The following LINGO2 variants were observed in gnomAD, a reference collection of about 807,000 sequenced individuals.
LINGO2 encodes the protein leucine rich repeat and Ig domain containing 2, also known as leucine-rich repeat and immunoglobulin-like domain-containing nogo receptor-interacting protein 2.
Under a neutral mutation model 30.6 loss-of-function variants are expected in LINGO2, and 14 were observed. The ratio of observed to expected loss-of-function variants is 0.46; its 90% CI spans 0.30 to 0.72. LINGO2 has a LOEUF of 0.72. Ranked by LOEUF, LINGO2 falls within the 30% of genes least tolerant of loss-of-function variation. LINGO2 has a pLI of 0.07. For synonymous variants in LINGO2, 317 were observed against 288.5 expected (o/e 1.10, Z -1.00); for missense variants, 729 against 751.7 (o/e 0.97, Z 0.35).
the LINGO2 span, among the ~76,000 whole-genome samples, chr9:28,717,130 C>T: frequency 5.9e-5 from 9 of 151,782 alleles, no homozygotes; most frequent in South Asian, 1.9e-3. Flanking sequence ...ACAGAGGTAT[C>T]CAAGAAATTA....
rs181195130 is a variant in LINGO2, at chr9:28,376,115, C to G, written c.-278-3247G>C. On this transcript the variant is annotated intron_variant, in intron 2 of 5. Transcript: ENST00000379992. The stretch of plus-strand genomic sequence containing the variant: ...TTTTTTTTTTTTTGTAATAAACGGA[C>G]AAGTGCAGCAGCCTAAAAATAAAAT... Among the ~76,000 whole-genome samples the G allele has an allele frequency of 1.3e-4, 19 of 147,536 alleles. No homozygotes were observed. The Admixed American group carries it at 1.3e-3, about 10-fold the overall frequency.
the LINGO2 span, among the ~76,000 whole-genome samples, chr9:28,796,539 A>C: frequency 6.6e-6 from 1 of 152,094 alleles, no homozygotes; most frequent in South Asian, 2.1e-4. Flanking sequence ...GGTGCACTAA[A>C]TCTATTGAAA....
chr9:29,133,730 C>T, the LINGO2 span, among the ~76,000 whole-genome samples: 10 of 152,116 alleles, frequency 6.6e-5, no homozygotes, highest in South Asian at 2.1e-4. Flanking sequence ...CTAAAGAACA[C>T]GCTAAGAAAC....
intron 1 of LINGO2, among the ~76,000 whole-genome samples, chr9:28,583,242 A>AT (rs1385203432): frequency 2.6e-5 from 4 of 152,064 alleles, no homozygotes; most frequent in Non-Finnish European, 4.4e-5. Flanking sequence ...TATTTATATC[A>AT]TTAGTTTCAT....
intron 4 of LINGO2, among the ~76,000 whole-genome samples, chr9:28,101,335 G>A (rs540864799): frequency 1.3e-5 from 2 of 152,072 alleles, no homozygotes; most frequent in African/African-American, 4.8e-5. Context: ...TAAAGGCTAT[G>A]TATTTTTACT....
chr9:28,894,025 G>A, the LINGO2 span, among the ~76,000 whole-genome samples: 3,807 of 151,922 alleles, frequency 0.025, 58 homozygotes, highest in Middle Eastern at 0.054. Flanking sequence ...CCTTGCGATA[G>A]TTTACTGAGA....
intron 5 of LINGO2, among the ~76,000 whole-genome samples, chr9:28,002,382 C>G (rs1822005485): frequency 6.6e-6 from 1 of 152,086 alleles, no homozygotes; most frequent in African/African-American, 2.4e-5. Context: ...GAGAAAGAAG[C>G]AGACTTTCTA....
chr9:28,288,145 C>T (rs1265256321), intron 4 of LINGO2, among the ~76,000 whole-genome samples: 1 of 152,116 alleles, frequency 6.6e-6, no homozygotes, highest in African/African-American at 2.4e-5. Context: ...ATATAAATGG[C>T]TTCATTTTCA....
intron 3 of LINGO2, among the ~76,000 whole-genome samples, chr9:28,334,969 G>T (rs1474218270): frequency 6.6e-6 from 1 of 152,180 alleles, no homozygotes; most frequent in South Asian, 2.1e-4. Context: ...TGCTAGGCCA[G>T]TGAGATAGAG....
intron 4 of LINGO2, among the ~76,000 whole-genome samples, chr9:28,213,594 T>C (rs1820667778): frequency 6.6e-6 from 1 of 151,442 alleles, no homozygotes; most frequent in South Asian, 2.1e-4. Context: ...AGAGGACATT[T>C]GTATAATAAA....
the LINGO2 span, among the ~76,000 whole-genome samples, chr9:28,935,704 T>TA: frequency 0.74 from 112,079 of 151,542 alleles, 41,629 homozygotes; most frequent in Non-Finnish European, 0.78. Context: ...GTTCTTTTTT[T>TA]AAAAAAACAA....
chr9:28,203,532 T>C (rs2133829338), intron 4 of LINGO2, among the ~76,000 whole-genome samples: 1 of 152,284 alleles, frequency 6.6e-6, no homozygotes, highest in Non-Finnish European at 1.5e-5. Context: ...TGAAAATTAG[T>C]CATTGCTGAA....
chr9:29,107,168 GA>G, the LINGO2 span, among the ~76,000 whole-genome samples: 1 of 151,930 alleles, frequency 6.6e-6, no homozygotes, highest in Non-Finnish European at 1.5e-5. Context: ...CTCTGAGGAA[GA>G]AAAAATAATA....
chr9:28,176,119 A>G (rs986790749), intron 4 of LINGO2, among the ~76,000 whole-genome samples: 1 of 152,226 alleles, frequency 6.6e-6, no homozygotes. Flanking sequence ...AATTATTCAC[A>G]TACAATCTTC....
At chr9:28,745,143 T>C in the LINGO2 span, among the ~76,000 whole-genome samples, 8 of 152,050 alleles carry the variant, frequency 5.3e-5, no homozygotes, top group East Asian at 7.7e-4. Context: ...GAGTATAGCA[T>C]TGGGCATCAA....
At chr9:29,144,028 C>A in the LINGO2 span, among the ~76,000 whole-genome samples, 2 of 152,132 alleles carry the variant, frequency 1.3e-5, no homozygotes, top group African/African-American at 2.4e-5. Flanking sequence ...AATAGAGAAT[C>A]ATTTCCCCAT....
intron 4 of LINGO2, among the ~76,000 whole-genome samples, chr9:28,026,134 CTAAA>C (rs1201305549): frequency 2.6e-5 from 4 of 152,146 alleles, no homozygotes; most frequent in Admixed American, 2.6e-4. Flanking sequence ...AGGATTCATC[CTAAA>C]TAATACTTCT....
intron 3 of LINGO2, among the ~76,000 whole-genome samples, chr9:28,314,434 C>T (rs1215941306): frequency 6.6e-6 from 1 of 152,136 alleles, no homozygotes; most frequent in African/African-American, 2.4e-5. Flanking sequence ...TAACCCTGTA[C>T]TCTAACACCT....
the LINGO2 span, among the ~76,000 whole-genome samples, chr9:28,933,088 G>A: frequency 1.3e-5 from 2 of 151,986 alleles, no homozygotes; most frequent in East Asian, 3.9e-4. Flanking sequence ...TGTATTTTTA[G>A]TATTGACAGG....
Sources: gnomAD v4.1 joint callset for allele counts (sites outside exome capture counted in the v4.1 genomes callset) on GRCh38, gnomAD v4.1.1 for gene constraint, MANE v1.5 for transcripts, NCBI Gene and HGNC (gene_info 2026-07-23, HGNC 2026-07-21) for gene names.